Variants in ZIM3 observed in about 807,000 individuals in gnomAD.
ZIM3 encodes zinc finger protein 657.
Under a neutral mutation model 12.9 loss-of-function variants are expected in ZIM3, and 11 were observed. The ratio of observed to expected loss-of-function variants is 0.85; its 90% CI spans 0.54 to 1.41. The LOEUF (loss-of-function observed/expected upper bound fraction) is 1.41, where lower values mean the gene tolerates loss of function less well. Among genes scored for constraint, ZIM3 ranks in the 40% most tolerant of loss-of-function variants. ZIM3 has a pLI of 0.00. For synonymous variants in ZIM3, 205 were observed against 198.5 expected (o/e 1.03, Z -0.28); for missense variants, 604 against 557.2 (o/e 1.08, Z -0.85).
intron 3 of ZIM3, among the ~76,000 whole-genome samples, chr19:57,137,854 G>A (rs148910213): frequency 0.28 from 7,265 of 25,970 alleles, 1,461 homozygotes; most frequent in East Asian, 0.85. Flanking sequence ...AAGGAAGGAA[G>A]GAAGGAAGGA....
intron 3 of ZIM3, among the ~76,000 whole-genome samples, chr19:57,137,818 T>G (rs1253997283): frequency 8.5e-5 from 10 of 117,600 alleles, no homozygotes; most frequent in Non-Finnish European, 1.0e-4. Context: ...GAGAGAGGAA[T>G]GGAGAGAGGG....
At chr19:57,136,594 G>T (rs2086887850) in intron 4 of ZIM3, among the ~76,000 whole-genome samples, 1 of 151,404 alleles carries the variant, frequency 6.6e-6, no homozygotes, top group Admixed American at 6.6e-5. Context: ...AACTCGGGAG[G>T]CGGAGGTTGC....
chr19:57,139,589 C>G (rs774178861), intron 2 of ZIM3, among the ~76,000 whole-genome samples: 45 of 148,274 alleles, frequency 3.0e-4, no homozygotes, highest in Non-Finnish European at 5.8e-4. Context: ...AGCCAGGTGT[C>G]GTGGTGCGCG....
chr19:57,141,262 G>A (rs371445679), intron 2 of ZIM3, among the ~76,000 whole-genome samples: 5 of 152,004 alleles, frequency 3.3e-5, no homozygotes, highest in Non-Finnish European at 7.4e-5. Context: ...GGGCGTGGGC[G>A]TGGTGGCGTG....
At chr19:57,136,516 T>G (rs2086887431) in intron 4 of ZIM3, among the ~76,000 whole-genome samples, 1 of 151,490 alleles carries the variant, frequency 6.6e-6, no homozygotes, top group African/African-American at 2.4e-5. Context: ...TACAAAAAAT[T>G]CGCCGGGCAT....
intron 2 of ZIM3, among the ~76,000 whole-genome samples, chr19:57,138,912 C>T (rs895105803): frequency 6.6e-6 from 1 of 152,140 alleles, no homozygotes. Flanking sequence ...AGGCAGAGGC[C>T]GAGTATGGTG....
intron 2 of ZIM3, among the ~76,000 whole-genome samples, chr19:57,139,049 G>A (rs1254109530): frequency 6.6e-5 from 10 of 152,180 alleles, no homozygotes; most frequent in East Asian, 3.9e-4. Context: ...TATTTTGGCC[G>A]GGCACGGTGG....
At chr19:57,138,390 A>T in intron 3 of ZIM3, 82 bp downstream of exon 3, 15 of 1,598,512 alleles carry the variant, frequency 9.4e-6, no homozygotes, top group Non-Finnish European at 1.3e-5. Flanking sequence ...CCTCTGTGCC[A>T]ACCCTATTTG....
rs146094087 is a variant in ZIM3 at position 57,136,933 on chromosome 19, A to T, written c.181T>A (p.Leu61Met). The change falls in exon 4 of 5, where the codon TTG (leucine) becomes ATG (methionine). Residue 61 changes from leucine (L) to methionine (M), a missense_variant. Leu to Met is a conservative substitution (Grantham distance 15). Coordinates refer to ENST00000269834, the MANE Select transcript of ZIM3 (RefSeq NM_052882.1). ...AACCATGGCTCCTTTCCTTGTTCCA[A>T]CCTCAAGATCACATCGGGTTTGGTG... ...ETTKPDVILR[L>M]EQGKEPWLEE... The T allele has an allele frequency of 5.6e-6, 9 of 1,613,970 alleles. No homozygotes were observed. In the African/African-American group the frequency reaches 6.7e-5, roughly 12 times the overall value.
In ZIM3 at chr19:57,135,813, A is replaced by C; in HGVS notation, c.524T>G (p.Leu175Ter). Residue 175 changes from leucine to a stop codon, truncating the protein, a stop_gained, in exon 5 of 5, where the codon TTA (leucine) becomes TGA (stop). Coordinates refer to ENST00000269834, the MANE Select transcript of ZIM3 (RefSeq NM_052882.1). LOFTEE classifies it low-confidence loss of function (END_TRUNC). The stretch of plus-strand genomic sequence containing the variant: ...TTGAAGGCGTGACTTTGAACTGAAT[A>C]ACTTTCTACAGGCATTACATTTCAG... ...QQLKCNACRK[L>*]FSSKSRLQSH... 6.2e-7 allele frequency: 1 copy of C among 1,614,160 alleles called. No individual in the cohort carries two copies.
Sources: gnomAD v4.1 joint callset for allele counts (sites outside exome capture counted in the v4.1 genomes callset) on GRCh38, gnomAD v4.1.1 for gene constraint, MANE v1.5 for transcripts, NCBI Gene and HGNC (gene_info 2026-07-23, HGNC 2026-07-21) for gene names.